The following SHROOM2 variants were observed in gnomAD, a reference collection of about 807,000 sequenced individuals.
SHROOM2 encodes the protein shroom family member 2.
SHROOM2 carries 33 observed loss-of-function variants against 75.9 expected under a neutral mutation model. That is an observed-to-expected ratio of 0.43 (90% CI 0.33 to 0.58). The LOEUF (loss-of-function observed/expected upper bound fraction) is 0.58. SHROOM2 is among the 20% of genes least tolerant of loss of function. The pLI is 0.04. For synonymous variants in SHROOM2, 655 were observed against 663.6 expected, an observed-to-expected ratio of 0.99 and a Z score of 0.20; for missense variants, 1,434 against 1,461.2, an observed-to-expected ratio of 0.98 and a Z score of 0.30.
chrX:9,814,710 G>A lies in SHROOM2; in HGVS notation c.165+28000G>A, dbSNP rs1373272491. On this transcript the variant is annotated intron_variant, in intron 1 of 9. Transcript: ENST00000380913. Reference sequence around the variant, plus strand: ...GGGATGTTGCCATTACAGGGGATGGGGAAGCTGTTCCTTCTGGCAAAAAAG... The same window carrying A: ...GGGATGTTGCCATTACAGGGGATGGAGAAGCTGTTCCTTCTGGCAAAAAAG... Among the ~76,000 whole-genome samples the A allele has an allele frequency of 2.7e-5, 3 of 111,450 alleles. No individual in the cohort carries two copies. The Admixed American group carries it at 2.9e-4, about 11-fold the overall frequency.
intron 5 of SHROOM2, among the ~76,000 whole-genome samples, chrX:9,914,248 A>G (rs976194373): frequency 2.8e-5 from 3 of 108,935 alleles, no homozygotes; most frequent in Non-Finnish European, 1.9e-5. Flanking sequence ...GGAAGGCTCT[A>G]TTGCCCAGCC....
intron 1 of SHROOM2, chrX:9,819,349 T>C (rs1406619943): frequency 4.1e-6 from 2 of 488,182 alleles, no homozygotes; most frequent in African/African-American, 4.8e-5. Flanking sequence ...GCCTTTGCAG[T>C]GTCAGTCATG....
intron 1 of SHROOM2, among the ~76,000 whole-genome samples, chrX:9,838,629 G>C (rs960488164): frequency 9.0e-6 from 1 of 111,721 alleles, no homozygotes; most frequent in Non-Finnish European, 1.9e-5. Context: ...GCAAGTTCAG[G>C]ATGGCTTCAT....
chrX:9,895,005 C>T lies in SHROOM2; in HGVS notation c.1097C>T (p.Thr366Ile), dbSNP rs762873045. ...QPRGDRRPEL[T>I]DRPWRSAHPG... ...CGTGGTGACCGGAGACCAGAGCTCACCGATCGGCCTTGGAGGTCAGCACAC... is the reference window on the plus strand; with the variant it reads ...CGTGGTGACCGGAGACCAGAGCTCATCGATCGGCCTTGGAGGTCAGCACAC... The change falls in exon 4 of 10, where the codon ACC becomes ATC. Residue 366 changes from threonine (T) to isoleucine (I), a missense_variant. Thr to Ile is a moderately conservative substitution (Grantham distance 89, BLOSUM62 -1). Transcript: ENST00000380913. 3.3e-6 allele frequency: 4 copies of T among 1,209,995 alleles called. No individual in the cohort carries two copies. The South Asian group carries it at 7.1e-5, about 21-fold the overall frequency.
At chrX:9,801,622 T>C (rs1163701962) in intron 1 of SHROOM2, among the ~76,000 whole-genome samples, 3 of 112,399 alleles carry the variant, frequency 2.7e-5, no homozygotes, top group Non-Finnish European at 5.6e-5. Context: ...AATTATAATA[T>C]TTTGACTACA....
At chrX:9,921,795 T>C (rs2084548039) in intron 5 of SHROOM2, among the ~76,000 whole-genome samples, 1 of 112,399 alleles carries the variant, frequency 8.9e-6, no homozygotes, top group African/African-American at 3.2e-5. Context: ...CCTTTTTAAG[T>C]CTTTTCTATT....
At chrX:9,818,970 G>T in intron 1 of SHROOM2, 1 of 636,068 alleles carries the variant, frequency 1.6e-6, no homozygotes, top group Non-Finnish European at 2.6e-6. Context: ...CTTTGGTGGT[G>T]GTGTCTCACT....
intron 2 of SHROOM2, among the ~76,000 whole-genome samples, chrX:9,875,080 CAAAAAAAAAAAAAAAA>C (rs375824306): frequency 1.6e-4 from 2 of 12,338 alleles, no homozygotes; most frequent in South Asian, 0.024. Flanking sequence ...GACCCTGTCT[CAAAAAAAAAAAAAAAA>C]AAAAAAAAAA....
intron 1 of SHROOM2, among the ~76,000 whole-genome samples, chrX:9,830,960 C>T (rs1390433037): frequency 8.9e-6 from 1 of 111,877 alleles, no homozygotes; most frequent in African/African-American, 3.2e-5. Flanking sequence ...GCATGGGTCT[C>T]ACGAGAGGCA....
rs1555919910 is a variant in SHROOM2 at position 9,792,159 on chromosome X, T to TAATAGAATAGAATAGAATAGA, written c.165+5452_165+5453insAGAATAGAATAGAATAGAAAT. ...TAGAATAGAATAGAATAGAATAGAA[T>TAATAGAATAGAATAGAATAGA]AATCACCAGTATCTGATACAGGGAG... On this transcript the variant is annotated intron_variant, in intron 1 of 9. Coordinates refer to ENST00000380913, the MANE Select transcript of SHROOM2 (RefSeq NM_001649.4). Among the ~76,000 whole-genome samples the TAATAGAATAGAATAGAATAGA allele has an allele frequency of 2.7e-4, 2 of 7,413 alleles. 1 individual carries two copies. The highest frequency in any genetic ancestry group is 4.1e-3 in the South Asian group (2 of 493). 6.4% of individuals were successfully genotyped at this position (7,413 alleles called of 115,157 possible). A position where few individuals can be genotyped will look rare whatever the true frequency, so the allele number is the denominator to read the frequency against.
At chrX:9,856,559 G>C (rs1471868972) in intron 1 of SHROOM2, among the ~76,000 whole-genome samples, 1 of 111,711 alleles carries the variant, frequency 9.0e-6, no homozygotes, top group Non-Finnish European at 1.9e-5. Context: ...CTTATATAAT[G>C]ATGAGTCTTG....
chrX:9,921,144 C>T (rs1159874223), intron 5 of SHROOM2, among the ~76,000 whole-genome samples: 4 of 111,128 alleles, frequency 3.6e-5, no homozygotes, highest in South Asian at 7.6e-4. Context: ...CATGGATCTC[C>T]GTATAGGGCT....
At chrX:9,805,968 T>C (rs1409552379) in intron 1 of SHROOM2, among the ~76,000 whole-genome samples, 6 of 108,612 alleles carry the variant, frequency 5.5e-5, no homozygotes, top group African/African-American at 2.0e-4. Flanking sequence ...ATGGGGTCAG[T>C]GCCCTTATAA....
chrX:9,798,399 G>A (rs1347718704), intron 1 of SHROOM2, among the ~76,000 whole-genome samples: 1 of 111,901 alleles, frequency 8.9e-6, no homozygotes, highest in Non-Finnish European at 1.9e-5. Flanking sequence ...TTTGTACAGT[G>A]TCTTTTTTCT....
intron 1 of SHROOM2, among the ~76,000 whole-genome samples, chrX:9,869,139 T>G (rs2084158359): frequency 9.1e-6 from 1 of 109,645 alleles, no homozygotes. Flanking sequence ...GTTTGTATTT[T>G]TAGTAGAGAC....
intron 1 of SHROOM2, among the ~76,000 whole-genome samples, chrX:9,842,072 T>A (rs1398508501): frequency 9.0e-6 from 1 of 111,091 alleles, no homozygotes; most frequent in Non-Finnish European, 1.9e-5. Flanking sequence ...AATAAAAACA[T>A]CCTAATGATG....
rs771433737 is a variant in SHROOM2, at chrX:9,937,516, G to A, written c.3970G>A (p.Val1324Met). 7.4e-6 allele frequency: 9 copies of A among 1,209,953 alleles called. No individual in the cohort carries two copies. Among genetic ancestry groups the A allele is most frequent in the Non-Finnish European group, 7.8e-6 (7 of 895,203 alleles). ...GTCGGAGGAGCTGGCCAGGGAGATC[G>A]TGGGGAAGGATAAGTCCCTGGCCGA... ...LKSEELAREI[V>M]GKDKSLADIL... The change falls in exon 7 of 10, where the codon GTG (valine) becomes ATG (methionine). Residue 1324 changes from valine to methionine, a missense_variant. Around this residue, in one of 3 missense-constraint regions of SHROOM2, gnomAD observed 1,340 missense variants for 1,338.3 expected, o/e 1.00. Transcript: ENST00000380913.
At chrX:9,804,743 G>C (rs2083742389) in intron 1 of SHROOM2, among the ~76,000 whole-genome samples, 1 of 111,547 alleles carries the variant, frequency 9.0e-6, no homozygotes. Context: ...AGGAACCAGG[G>C]TTTCCTTTTA....
rs185425759 is a variant in SHROOM2 at position 9,902,085 on chromosome X, G to A, written c.2891+3795G>A. Among the ~76,000 whole-genome samples, 3 of 110,871 alleles carry A rather than the reference G, an allele frequency of 2.7e-5. No homozygotes were observed. The East Asian group carries it at 8.6e-4, about 32-fold the overall frequency. Reference sequence around the variant, plus strand: ...GCATGGATGGATACATGGATGAGATGTAGGGATGCATGGATGGATAGATGG... The same window carrying A: ...GCATGGATGGATACATGGATGAGATATAGGGATGCATGGATGGATAGATGG... On this transcript the variant is annotated intron_variant, in intron 5 of 9. Transcript: ENST00000380913.
Sources: gnomAD v4.1 joint callset for allele counts (sites outside exome capture counted in the v4.1 genomes callset) on GRCh38, gnomAD v4.1.1 for gene constraint, gnomAD v4.1.1 regional missense constraint, MANE v1.5 for transcripts, NCBI Gene and HGNC (gene_info 2026-07-23, HGNC 2026-07-21) for gene names.